The following NAV1 variants were observed in gnomAD, a reference collection of about 807,000 sequenced individuals.
NAV1 encodes pore membrane and/or filament interacting like protein 3.
NAV1 carries 18 observed loss-of-function variants against 175.2 expected under a neutral mutation model. The observed-to-expected ratio is 0.10, with a 90% CI of 0.07 to 0.15. NAV1 has a LOEUF of 0.15. NAV1 is among the 10% of genes least tolerant of loss of function. The pLI is 1.00. For missense variants in NAV1, 1,731 were observed against 2,436.6 expected (o/e 0.71, Z 6.10); for synonymous variants, 897 against 978.7 (o/e 0.92, Z 1.56).
chr1:201,808,492 T>C lies in NAV1; in HGVS notation c.3920T>C (p.Val1307Ala). 6.2e-7 allele frequency: 1 copy of C among 1,614,116 alleles called. No individual in the cohort carries two copies. Among genetic ancestry groups the C allele is most frequent in the Non-Finnish European group, 8.5e-7 (1 of 1,180,028 alleles). Reference sequence around the variant, plus strand: ...GAGGAGGAGCCAGAGAAGAAGGAGGTATCGGAGCTGCGCTCTGAGCTATGG... The same window carrying C: ...GAGGAGGAGCCAGAGAAGAAGGAGGCATCGGAGCTGCGCTCTGAGCTATGG... Residue 1307 changes from valine (V) to alanine (A), a missense_variant, in exon 19 of 30, where the codon GTA (valine) becomes GCA (alanine). Val to Ala is a moderately conservative substitution (Grantham distance 64, BLOSUM62 0). Transcript: ENST00000367296. The surrounding 1 kb of genome is among the most constrained non-coding windows in gnomAD (Gnocchi z 5.5).
intron 3 of NAV1, among the ~76,000 whole-genome samples, chr1:201,734,662 T>C (rs1673034951): frequency 6.6e-6 from 1 of 151,980 alleles, no homozygotes; most frequent in South Asian, 2.1e-4. Context: ...TCTGAAATGA[T>C]TGCTCCTGGC....
upstream of NAV1, among the ~76,000 whole-genome samples, chr1:201,643,555 A>T (rs1668879294): frequency 6.6e-6 from 1 of 151,776 alleles, no homozygotes; most frequent in Non-Finnish European, 1.5e-5. Context: ...GGAATTACAG[A>T]CATGTGCCAC....
chr1:201,713,764 A>C (rs942692701), intron 2 of NAV1, among the ~76,000 whole-genome samples: 1 of 152,150 alleles, frequency 6.6e-6, no homozygotes, highest in African/African-American at 2.4e-5. Context: ...CCCCAGTTAG[A>C]CTGGAAGTAG....
At chr1:201,791,729 T>C (rs1677129104) in intron 13 of NAV1, 1 of 152,290 alleles carries the variant, frequency 6.6e-6, no homozygotes, top group Non-Finnish European at 1.5e-5. Context: ...TTCCAACACA[T>C]TTCAGCAGCA....
rs932792714 is a variant in NAV1 at position 201,788,273 on chromosome 1, G to T, written c.2996-195G>T. 6.6e-6 allele frequency among the ~76,000 whole-genome samples: 1 copy of T among 152,044 alleles called. No individual in the cohort carries two copies. Among genetic ancestry groups the T allele is most frequent in the African/African-American group, 2.4e-5 (1 of 41,396 alleles). Reference sequence around the variant, plus strand: ...CTCCATTAGGGCTTGATCTCCCCAGGAGGGACCCCGCTCCTAACCACCAGC... The same window carrying T: ...CTCCATTAGGGCTTGATCTCCCCAGTAGGGACCCCGCTCCTAACCACCAGC... On this transcript the variant is annotated intron_variant, in intron 9 of 29. Transcript: ENST00000367296. This position sits in a 1 kb window ranked among gnomAD's most constrained non-coding sequence, Gnocchi z 5.7.
At chr1:201,779,672 T>C (rs536070) in intron 3 of NAV1, among the ~76,000 whole-genome samples, 45,892 of 149,362 alleles carry the variant, frequency 0.31, 8,513 homozygotes, top group Admixed American at 0.42. Flanking sequence ...ATATGGAGGT[T>C]GTAGTAAGTT....
At chr1:201,599,519 C>A (rs942204414) in intron 2 of NAV1, among the ~76,000 whole-genome samples, 3 of 152,204 alleles carry the variant, frequency 2.0e-5, no homozygotes, top group African/African-American at 7.2e-5. Context: ...TCCTGACCCA[C>A]AGGTGGTACA....
At chr1:201,562,518 C>G (rs1053320603) in intron 1 of NAV1, among the ~76,000 whole-genome samples, 3 of 152,206 alleles carry the variant, frequency 2.0e-5, no homozygotes, top group Admixed American at 2.0e-4. Flanking sequence ...CTCCTGAGCC[C>G]TGGGCAGGAC....
In NAV1 at chr1:201,817,219, TGCCTCACCTCCCGAGGATAGGA is replaced by T; in HGVS notation, c.5473_5494del (p.Ala1825GlnfsTer15). 6.2e-7 allele frequency: 1 copy of T among 1,614,134 alleles called. No individual in the cohort carries two copies. Among genetic ancestry groups the T allele is most frequent in the South Asian group, 1.1e-5 (1 of 91,076 alleles). On this transcript the variant is annotated frameshift_variant, in exon 29 of 30. Transcript: ENST00000367296. LOFTEE classifies it high-confidence loss of function. ...CACCCACCGTGGGCCCTCACAGCAT[TGCCTCACCTCCCGAGGATAGGA>T]CAGTCAAAGACAGCACCCCAAGTTC...
intron 1 of NAV1, among the ~76,000 whole-genome samples, chr1:201,568,726 G>A (rs776619578): frequency 5.9e-5 from 9 of 152,116 alleles, no homozygotes; most frequent in Non-Finnish European, 7.4e-5. Context: ...TAAACAATGC[G>A]TGTTTGCACA....
chr1:201,819,994 T>G, exon 30 of NAV1: 3 of 1,444,144 alleles, frequency 2.1e-6, no homozygotes, highest in Non-Finnish European at 2.9e-6. Context: ...TCTTAGCTCC[T>G]CCTCTCCCCT....
upstream of NAV1, among the ~76,000 whole-genome samples, chr1:201,646,345 C>T (rs1436559355): frequency 6.6e-6 from 1 of 152,208 alleles, no homozygotes; most frequent in Non-Finnish European, 1.5e-5. Flanking sequence ...AACCTGTCCT[C>T]CACTCCTCTT....
chr1:201,650,791 G>A (rs1170683320), intron 1 of NAV1, among the ~76,000 whole-genome samples: 1 of 152,212 alleles, frequency 6.6e-6, no homozygotes, highest in East Asian at 1.9e-4. Context: ...GCTTTGCAGG[G>A]GCAATCAGGA....
intron 1 of NAV1, among the ~76,000 whole-genome samples, chr1:201,684,584 C>T (rs528053785): frequency 3.3e-5 from 5 of 149,854 alleles, no homozygotes; most frequent in African/African-American, 7.3e-5. Flanking sequence ...AAGCGATTCT[C>T]CTGCCTCAGC....
At chr1:201,700,776 C>G (rs551956090) in intron 1 of NAV1, among the ~76,000 whole-genome samples, 4 of 152,040 alleles carry the variant, frequency 2.6e-5, no homozygotes, top group Non-Finnish European at 5.9e-5. Context: ...CTTTGGGAGG[C>G]CGAGGCGGGT....
chr1:201,739,753 A>C (rs1673282225), intron 3 of NAV1: 1 of 1,188,514 alleles, frequency 8.4e-7, no homozygotes, highest in Non-Finnish European at 1.0e-6. Context: ...CTGGGTGTTA[A>C]AGAGCCCGCT....
At chr1:201,583,005 G>A (rs1028668278) in intron 1 of NAV1, among the ~76,000 whole-genome samples, 3 of 152,272 alleles carry the variant, frequency 2.0e-5, no homozygotes, top group African/African-American at 7.2e-5. Flanking sequence ...AGGCTACTGT[G>A]TATACGGGAT....
chr1:201,786,703 G>T, intron 9 of NAV1, 126 bp downstream of exon 13: 1 of 908,248 alleles, frequency 1.1e-6, no homozygotes, highest in African/African-American at 1.7e-5. Context: ...GTTGTTTCAT[G>T]GTGCCTCAGT....
At chr1:201,697,855 G>T (rs909374269) in intron 1 of NAV1, among the ~76,000 whole-genome samples, 1 of 152,224 alleles carries the variant, frequency 6.6e-6, no homozygotes, top group African/African-American at 2.4e-5. Context: ...GTGTCAGAAT[G>T]GGATTTGGAA....
Sources: allele counts gnomAD v4.1 joint callset (sites outside exome capture counted in the v4.1 genomes callset), GRCh38; gene constraint gnomAD v4.1.1; non-coding constraint Gnocchi (gnomAD v3.1); transcripts MANE v1.5; gene names NCBI Gene and HGNC (gene_info 2026-07-23, HGNC 2026-07-21).